PIEZO1: variants seen among roughly 807,000 people sequenced by gnomAD.
The protein encoded by PIEZO1 is piezo-type mechanosensitive ion channel component 1.
A neutral mutation model predicts 297.2 loss-of-function variants in PIEZO1; 296 were observed. The observed-to-expected ratio is 1.00, with a 90% CI of 0.91 to 1.10. The LOEUF is 1.10. Ranked by LOEUF, PIEZO1 falls within the 50% of genes least tolerant of loss-of-function variation. PIEZO1 has a pLI of 0.00. For synonymous variants in PIEZO1, 2,427 were observed against 1,507.5 expected, an observed-to-expected ratio of 1.61 and a Z score of -14.13; for missense variants, 5,018 against 3,455.5, an observed-to-expected ratio of 1.45 and a Z score of -11.34.
In PIEZO1 at chr16:88,746,145, C is replaced by T. The variant is rs115395218; in HGVS notation, c.160+3239G>A. ...AGGCTGAGCCATGAGGCCCACCCAG[C>T]GACAGCTAGGGCTGAGCTGCGGGGT... On this transcript the variant is annotated intron_variant, in intron 2 of 50. Transcript: ENST00000301015. Among the ~76,000 whole-genome samples, 1,285 of 152,290 alleles carry T rather than the reference C, an allele frequency of 8.4e-3. 22 individuals carry two copies. The highest frequency in any genetic ancestry group is 0.029 in the African/African-American group (1,188 of 41,570).
chr16:88,727,808 G>A, intron 22 of PIEZO1, 147 bp from the exon 23 acceptor site: 1 of 450,978 alleles, frequency 2.2e-6, no homozygotes, highest in Non-Finnish European at 4.0e-6. Flanking sequence ...AGAACTGACA[G>A]CTCTAGTGTC....
In PIEZO1 at chr16:88,721,965, T is replaced by C. The variant is rs368402295; in HGVS notation, c.5057A>G (p.His1686Arg). The part of the protein sequence containing the change: ...LRAVYQCVAA[H>R]SELLCYFIII... ...GATGAAGTAGCAGAGCAGCTCCGAG[T>C]GGGCGGCCACACACTGGTACACGGC... The change falls in exon 37 of 51, where the codon CAC (histidine) becomes CGC (arginine). Residue 1686 changes from histidine to arginine, a missense_variant. Coordinates refer to ENST00000301015, the MANE Select transcript of PIEZO1 (RefSeq NM_001142864.4). 4.1e-5 allele frequency: 64 copies of C among 1,549,890 alleles called. No individual in the cohort carries two copies. The highest frequency in any genetic ancestry group is 5.2e-5 in the Non-Finnish European group (60 of 1,146,792).
intron 21 of PIEZO1, among the ~76,000 whole-genome samples, 180 bp from the exon 22 acceptor site, chr16:88,732,090 A>G (rs1373345204): frequency 1.3e-5 from 2 of 151,834 alleles, no homozygotes; most frequent in Non-Finnish European, 2.9e-5. Flanking sequence ...GCCATCGTGC[A>G]GGGGAAACTG....
rs35375982 is a variant in PIEZO1, at chr16:88,722,301, T to C, written c.4872A>G (p.Ala1624=). The stretch of plus-strand genomic sequence containing the variant: ...CCTCACGCTCCCCGGGGTCGGTGAC[T>C]GCCTCCTCACTGCCACTGCGCGTGT... The part of the protein sequence containing the change: ...GYHTRSGSEE[A]VTDPGEREAG... The change falls in exon 36 of 51, where the codon GCA becomes GCG. Residue 1624 remains alanine (A), a synonymous_variant. Coordinates refer to ENST00000301015, the MANE Select transcript of PIEZO1 (RefSeq NM_001142864.4). 2.7e-3 allele frequency: 4,213 copies of C among 1,548,280 alleles called. 82 individuals are homozygous for C. In the African/African-American group the frequency reaches 0.038, roughly 14 times the overall value.
Position 88,723,767 on chromosome 16 carries a change from T to C in PIEZO1, c.4335+104A>G, listed in dbSNP as rs1904302538. On this transcript the variant is annotated intron_variant, in intron 31 of 50. Coordinates refer to ENST00000301015, the MANE Select transcript of PIEZO1 (RefSeq NM_001142864.4). ...GTGGGCTAACTGGAGGTGGAGGAGC[T>C]CGGCTCCCAGGCCCTGGGGGCATCT... 6.1e-6 allele frequency: 4 copies of C among 661,042 alleles called. No individual in the cohort carries two copies. In the South Asian group the frequency reaches 7.1e-5, roughly 12 times the overall value. 40.9% of individuals were successfully genotyped at this position (661,042 alleles called of 1,614,324 possible).
chr16:88,743,747 C>T, intron 2 of PIEZO1: 1 of 423,188 alleles, frequency 2.4e-6, no homozygotes, highest in South Asian at 1.6e-5. Context: ...GCCCAGGACT[C>T]CCTGTCCGCA....
Position 88,719,942 on chromosome 16 carries a change from C to A in PIEZO1, c.6183G>T (p.Val2061=). ...AVTERMFNQN[V]VAQLWYFVKC... The stretch of plus-strand genomic sequence containing the variant: ...TCACGAAGTACCAGAGCTGGGCCAC[C>A]ACATTCTGGTTGAACATCCTGGGGC... Residue 2061 remains valine, a synonymous_variant, in exon 43 of 51, where the codon GTG becomes GTT. Coordinates refer to ENST00000301015, the MANE Select transcript of PIEZO1 (RefSeq NM_001142864.4). The A allele has an allele frequency of 6.5e-7, 1 of 1,550,364 alleles. No homozygotes were observed. Among genetic ancestry groups the A allele is most frequent in the Non-Finnish European group, 8.7e-7 (1 of 1,146,940 alleles).
Position 88,737,675 on chromosome 16 carries a change from C to T in PIEZO1, c.1108-29G>A, listed in dbSNP as rs756460127. The T allele has an allele frequency of 1.4e-5, 22 of 1,532,484 alleles. 1 individual carries two copies. In the South Asian group the frequency reaches 2.0e-4, roughly 14 times the overall value. The allele number at this position is 1,532,484 out of a possible 1,614,324, so 94.9% of individuals were successfully genotyped here. On this transcript the variant is annotated intron_variant, in intron 9 of 50. Transcript: ENST00000301015. ...TGGGCAAGCAGCGCTGAGCCATGCA[C>T]GGGCTGGCCGGGCGCCCCCCACGCT... is the stretch of plus-strand genomic sequence containing the variant.
chr16:88,757,227 C>A (rs1417943054), intron 1 of PIEZO1, among the ~76,000 whole-genome samples: 2 of 148,528 alleles, frequency 1.3e-5, no homozygotes, highest in Non-Finnish European at 3.0e-5. Flanking sequence ...CTGGAAGACG[C>A]GATGCATTGA....
At chr16:88,769,761 G>T (rs956184929) in intron 1 of PIEZO1, among the ~76,000 whole-genome samples, 1 of 152,082 alleles carries the variant, frequency 6.6e-6, no homozygotes, top group African/African-American at 2.4e-5. Flanking sequence ...TAGCTCTGGT[G>T]GGCGGAGCGT....
chr16:88,723,082 C>CGGGCCCACGTACCT lies in PIEZO1; in HGVS notation c.4494_4495+12dup. ...AGAGAGACCTCCCACTCCCCAGCCC[C>CGGGCCCACGTACCT]GGGCCCACGTACCTGCCGCTGCCTC... On this transcript the variant is annotated intron_variant, in intron 33 of 50. Transcript: ENST00000301015. 6.5e-7 allele frequency: 1 copy of CGGGCCCACGTACCT among 1,546,996 alleles called. No individual in the cohort carries two copies. Among genetic ancestry groups the CGGGCCCACGTACCT allele is most frequent in the Non-Finnish European group, 8.7e-7 (1 of 1,146,450 alleles).
chr16:88,716,075 C>A lies in PIEZO1; in HGVS notation c.7174G>T (p.Glu2392Ter). ...AAGCCGGTGGCCCCCGCACCCTGCT[C>A]CCTCCGCAGCTGGATACGCACGCCG... ...YLGVRIQLRR[E>*]QGAGATGFLE... is the part of the protein sequence containing the mutation. The change falls in exon 50 of 51, where the codon GAG (glutamate) becomes TAG (stop). Residue 2392 changes from glutamate (E) to a stop codon, truncating the protein, a stop_gained. Coordinates refer to ENST00000301015, the MANE Select transcript of PIEZO1 (RefSeq NM_001142864.4). LOFTEE classifies it high-confidence loss of function. The A allele has an allele frequency of 6.5e-7, 1 of 1,549,810 alleles. No individual in the cohort carries two copies. The highest frequency in any genetic ancestry group is 8.7e-7 in the Non-Finnish European group (1 of 1,146,642).
intron 17 of PIEZO1, 63 bp downstream of exon 17, chr16:88,733,843 C>A (rs1252049794): frequency 1.4e-6 from 2 of 1,461,194 alleles, no homozygotes; most frequent in Non-Finnish European, 1.8e-6. Flanking sequence ...CTGCCAACGC[C>A]CCCCGAGCTG....
At chr16:88,727,483 T>G in intron 23 of PIEZO1, 74 bp downstream of exon 23, 1 of 678,436 alleles carries the variant, frequency 1.5e-6, no homozygotes, top group Non-Finnish European at 2.5e-6. Context: ...GTGTGCACAC[T>G]TGTGAGCAGA....
At chr16:88,772,557 G>A (rs1907472390) in intron 1 of PIEZO1, among the ~76,000 whole-genome samples, 1 of 152,092 alleles carries the variant, frequency 6.6e-6, no homozygotes, top group Non-Finnish European at 1.5e-5. Context: ...GAGGCAAGCA[G>A]ATCACGAGGT....
intron 1 of PIEZO1, among the ~76,000 whole-genome samples, chr16:88,751,579 G>A (rs1479839679): frequency 6.6e-6 from 1 of 152,144 alleles, no homozygotes; most frequent in African/African-American, 2.4e-5. Flanking sequence ...CCTCCCTGAA[G>A]TTAAGATCCC....
rs536873597 is a variant in PIEZO1 at position 88,730,129 on chromosome 16, G to T, written c.3196+1577C>A. 3.8e-4 allele frequency among the ~76,000 whole-genome samples: 58 copies of T among 152,388 alleles called. 1 individual carries two copies. The highest frequency in any genetic ancestry group is 4.4e-5 in the Non-Finnish European group (3 of 68,042). ...CAGATGTTTCAACAAGGAAGAGCTG[G>T]AGGGCCCAGAGGCTGAGGCAGCCCT... is the stretch of plus-strand genomic sequence containing the variant. On this transcript the variant is annotated intron_variant, in intron 22 of 50. Coordinates refer to ENST00000301015, the MANE Select transcript of PIEZO1 (RefSeq NM_001142864.4).
At chr16:88,747,974 C>A (rs1906151611) in intron 2 of PIEZO1, among the ~76,000 whole-genome samples, 1 of 152,234 alleles carries the variant, frequency 6.6e-6, no homozygotes, top group Non-Finnish European at 1.5e-5. Flanking sequence ...AAAAACGCAG[C>A]CCGGTGGACA....
At position 88,723,894 on chromosome 16, in the gene PIEZO1, GC is replaced by G. The variant is rs1904303978; in HGVS notation, c.4311del (p.Arg1437SerfsTer16). On this transcript the variant is annotated frameshift_variant, in exon 31 of 51. Transcript: ENST00000301015. LOFTEE classifies it high-confidence loss of function. The part of the protein sequence containing the change: ...EEEEAVPEDP[R>X]PSAQSAFQLA... The stretch of plus-strand genomic sequence containing the variant: ...ACCTGGAAGGCACTCTGTGCCGACG[GC>G]CTCGGGTCTTCAGGAACAGCCTCCT... The G allele has an allele frequency of 6.5e-7, 1 of 1,546,634 alleles. No homozygotes were observed. The highest frequency in any genetic ancestry group is 2.0e-5 in the Admixed American group (1 of 50,984).
Sources: gnomAD v4.1 joint callset for allele counts (sites outside exome capture counted in the v4.1 genomes callset) on GRCh38, gnomAD v4.1.1 for gene constraint, MANE v1.5 for transcripts, NCBI Gene and HGNC (gene_info 2026-07-23, HGNC 2026-07-21) for gene names.